Variants in PKDCC observed in about 807,000 individuals in gnomAD.
PKDCC encodes the protein extracellular tyrosine-protein kinase PKDCC.
A neutral mutation model predicts 44.7 loss-of-function variants in PKDCC; 35 were observed. The ratio of observed to expected loss-of-function variants is 0.78; its 90% CI spans 0.60 to 1.04. PKDCC has a LOEUF of 1.04. Among genes scored for constraint, PKDCC ranks in the 50% least tolerant of loss-of-function variants. The pLI, the probability that PKDCC is intolerant of heterozygous loss-of-function variation, is 0.00. For missense variants in PKDCC, 738 were observed against 672.7 expected (o/e 1.10, Z -1.07); for synonymous variants, 353 against 303.3 (o/e 1.16, Z -1.70).
intron 1 of PKDCC, 63 bp from the exon 2 acceptor site, chr2:42,053,176 C>G (rs1667997326): frequency 7.7e-7 from 1 of 1,294,698 alleles, no homozygotes; most frequent in South Asian, 1.3e-5. Flanking sequence ...ACCTGACAGT[C>G]CAGCCCTTCC....
Position 42,048,395 on chromosome 2 carries a change from G to C in PKDCC, c.196G>C (p.Glu66Gln). Reference protein sequence around the residue: ...LARQIRARYEEVQRYSRGGPG... With the variant: ...LARQIRARYEQVQRYSRGGPG... ...CCGGCAGATCCGGGCGCGCTACGAGGAGGTGCAGCGCTATTCCCGCGGGGG... is the reference window on the plus strand; with the variant it reads ...CCGGCAGATCCGGGCGCGCTACGAGCAGGTGCAGCGCTATTCCCGCGGGGG... The change falls in exon 1 of 7, where the codon GAG (glutamate) becomes CAG (glutamine). Residue 66 changes from glutamate to glutamine, a missense_variant. Physicochemically the swap from Glu to Gln is conservative, Grantham distance 29 (BLOSUM62 2). Coordinates refer to ENST00000294964, the MANE Select transcript of PKDCC (RefSeq NM_138370.3). The surrounding 1 kb of genome is among the most constrained non-coding windows in gnomAD (Gnocchi z 6.2). The C allele has an allele frequency of 8.6e-7, 1 of 1,156,418 alleles. No individual in the cohort carries two copies. The highest frequency in any genetic ancestry group is 1.1e-6 in the Non-Finnish European group (1 of 942,268). 71.6% of individuals were successfully genotyped at this position (1,156,418 alleles called of 1,614,324 possible). A position where few individuals can be genotyped will look rare whatever the true frequency, so the allele number is the denominator to read the frequency against.
Position 42,054,381 on chromosome 2 carries a change from A to T in PKDCC, c.1034+74A>T. ...GGAGGGCATGGCAGGAAGAGAGCCA[A>T]CGTGGAGGCCAGCTGGGCAGGGAGA... On this transcript the variant is annotated intron_variant, in intron 3 of 6. Transcript: ENST00000294964. This position sits in a 1 kb window ranked among gnomAD's most constrained non-coding sequence, Gnocchi z 6.1. The T allele has an allele frequency of 6.7e-7, 1 of 1,498,230 alleles. No homozygotes were observed. The highest frequency in any genetic ancestry group is 2.4e-5 in the East Asian group (1 of 40,890). The allele number at this position is 1,498,230 out of a possible 1,614,324, so 92.8% of individuals were successfully genotyped here. A position where few individuals can be genotyped will look rare whatever the true frequency, so the allele number is the denominator to read the frequency against.
At position 42,052,357 on chromosome 2, in the gene PKDCC, G is replaced by C. The variant is rs561402040; in HGVS notation, c.640-882G>C. Among the ~76,000 whole-genome samples, 12 of 152,184 alleles carry C rather than the reference G, an allele frequency of 7.9e-5. No homozygotes were observed. The highest frequency in any genetic ancestry group is 1.8e-4 in the Non-Finnish European group (12 of 68,032). ...CAGAGAAAATTGAAGCTGCCAGAAGGTAGAAATGATGAGGGATAGATACAG... is the reference window on the plus strand; with the variant it reads ...CAGAGAAAATTGAAGCTGCCAGAAGCTAGAAATGATGAGGGATAGATACAG... On this transcript the variant is annotated intron_variant, in intron 1 of 6. Transcript: ENST00000294964. This position sits in a 1 kb window ranked among gnomAD's most constrained non-coding sequence, Gnocchi z 4.3.
chr2:42,054,017 CTT>C lies in PKDCC; in HGVS notation c.763-16_763-15del, dbSNP rs1558432274. 1.2e-6 allele frequency: 2 copies of C among 1,603,940 alleles called. No individual in the cohort carries two copies. Among genetic ancestry groups the C allele is most frequent in the Middle Eastern group, 2.3e-4 (1 of 4,414 alleles). ...ACCCAGGAGAAAAGCAGTGAGCAGTCTTTTCTTGTGCCCCTCAGATCTGCCTG... is the reference window on the plus strand; with the variant it reads ...ACCCAGGAGAAAAGCAGTGAGCAGTCTTCTTGTGCCCCTCAGATCTGCCTG... On this transcript the variant is annotated splice_polypyrimidine_tract_variant and intron_variant, in intron 2 of 6. Transcript: ENST00000294964. This position sits in a 1 kb window ranked among gnomAD's most constrained non-coding sequence, Gnocchi z 6.1.
chr2:42,053,077 G>C (rs1667995011), intron 1 of PKDCC, among the ~76,000 whole-genome samples, 162 bp from the exon 2 acceptor site: 1 of 152,194 alleles, frequency 6.6e-6, no homozygotes, highest in African/African-American at 2.4e-5. Context: ...GCAGGGAAGA[G>C]AGGGCATGCT....
Position 42,048,746 on chromosome 2 carries a change from G to C in PKDCC, c.547G>C (p.Gly183Arg). Residue 183 changes from glycine to arginine, a missense_variant, in exon 1 of 7, where the codon GGG (glycine) becomes CGG (arginine). Gly to Arg is a moderately radical substitution (Grantham distance 125). Transcript: ENST00000294964. This position sits in a 1 kb window ranked among gnomAD's most constrained non-coding sequence, Gnocchi z 6.2. Reference protein sequence around the residue: ...HDLGSCVREFGVRRGCYRLAA... With the variant: ...HDLGSCVREFRVRRGCYRLAA... The stretch of plus-strand genomic sequence containing the variant: ...TCTGGGCAGCTGCGTGCGCGAGTTC[G>C]GGGTACGGAGGGGCTGCTATCGGCT... The C allele has an allele frequency of 6.3e-7, 1 of 1,578,118 alleles. No homozygotes were observed. Among genetic ancestry groups the C allele is most frequent in the Non-Finnish European group, 8.6e-7 (1 of 1,161,882 alleles).
rs1572758531 is a variant in PKDCC at position 42,048,153 on chromosome 2, G to C, written c.-47G>C. On this transcript the variant is annotated 5_prime_UTR_variant, in exon 1 of 7. Coordinates refer to ENST00000294964, the MANE Select transcript of PKDCC (RefSeq NM_138370.3). The surrounding 1 kb of genome is among the most constrained non-coding windows in gnomAD (Gnocchi z 6.2). ...CTCGGAGCCTGAGCCGCCCGGGGCC[G>C]GGGCCGGGGAGCCGCGCGGGGCCGG... 10 of 1,004,924 alleles carry C rather than the reference G, an allele frequency of 1.0e-5. No homozygotes were observed. Among genetic ancestry groups the C allele is most frequent in the Non-Finnish European group, 1.2e-5 (10 of 845,056 alleles). 62.3% of individuals were successfully genotyped at this position (1,004,924 alleles called of 1,614,324 possible). A position where few individuals can be genotyped will look rare whatever the true frequency, so the allele number is the denominator to read the frequency against.
chr2:42,055,420 G>A lies in PKDCC; in HGVS notation c.1222+27G>A. 6.2e-7 allele frequency: 1 copy of A among 1,602,964 alleles called. No individual in the cohort carries two copies. The highest frequency in any genetic ancestry group is 8.5e-7 in the Non-Finnish European group (1 of 1,172,982). On this transcript the variant is annotated intron_variant, in intron 5 of 6. Transcript: ENST00000294964. The surrounding 1 kb of genome is among the most constrained non-coding windows in gnomAD (Gnocchi z 4.5). The stretch of plus-strand genomic sequence containing the variant: ...TGAGTGGCCCCAAGCTGATCCACAG[G>A]GAAGCAAGAAACAGGTGGGAGGGTG...
At position 42,048,116 on chromosome 2, in the gene PKDCC, G is replaced by A. The variant is rs1048653846; in HGVS notation, c.-84G>A. 4 of 831,998 alleles carry A rather than the reference G, an allele frequency of 4.8e-6. No individual in the cohort carries two copies. In the African/African-American group the frequency reaches 5.7e-5, roughly 12 times the overall value. 51.5% of individuals were successfully genotyped at this position (831,998 alleles called of 1,614,324 possible). On this transcript the variant is annotated 5_prime_UTR_variant, in exon 1 of 7. Coordinates refer to ENST00000294964, the MANE Select transcript of PKDCC (RefSeq NM_138370.3). The surrounding 1 kb of genome is among the most constrained non-coding windows in gnomAD (Gnocchi z 6.2). ...CTGGGCAGGGGGCCGGCGGGGCGCA[G>A]AGCGGAGCCGCCTCGGAGCCTGAGC...
rs1020244796 is a variant in PKDCC, at chr2:42,052,482, C to T, written c.640-757C>T. On this transcript the variant is annotated intron_variant, in intron 1 of 6. Transcript: ENST00000294964. The surrounding 1 kb of genome is among the most constrained non-coding windows in gnomAD (Gnocchi z 4.3). ...AACAGATTGTGGCCGGGCGCAGTGG[C>T]TCACGCCTGTAATCCCAACATTTTG... Among the ~76,000 whole-genome samples the T allele has an allele frequency of 6.6e-6, 1 of 152,202 alleles. No individual in the cohort carries two copies. Among genetic ancestry groups the T allele is most frequent in the Non-Finnish European group, 1.5e-5 (1 of 68,036 alleles).
chr2:42,057,643 G>A lies in PKDCC; in HGVS notation c.1437G>A (p.Val479=), dbSNP rs757636607. The change falls in exon 7 of 7, where the codon GTG becomes GTA. Residue 479 remains valine (V), a synonymous_variant. Transcript: ENST00000294964. ...LVFFKTGWSQ[V]VPDPNKTTYV... Reference sequence around the variant, plus strand: ...TTTTCAAGACTGGATGGAGCCAAGTGGTCCCTGATCCCAACAAGACCACAT... The same window carrying A: ...TTTTCAAGACTGGATGGAGCCAAGTAGTCCCTGATCCCAACAAGACCACAT... 5 of 1,613,874 alleles carry A rather than the reference G, an allele frequency of 3.1e-6. No homozygotes were observed. In the African/African-American group the frequency reaches 4.0e-5, roughly 13 times the overall value.
chr2:42,050,703 G>C (rs947266925), intron 1 of PKDCC, among the ~76,000 whole-genome samples: 6 of 152,174 alleles, frequency 3.9e-5, no homozygotes, highest in African/African-American at 1.4e-4. Flanking sequence ...TCCCAGACGA[G>C]AGTTAGTGGC....
chr2:42,053,931 A>T, intron 2 of PKDCC, 105 bp from the exon 3 acceptor site: 1 of 1,434,398 alleles, frequency 7.0e-7, no homozygotes, highest in Non-Finnish European at 9.4e-7. Context: ...AGAAGTGCCA[A>T]CCCCCACAAG....
At position 42,048,519 on chromosome 2, in the gene PKDCC, C is replaced by G. The variant is rs1033026523; in HGVS notation, c.320C>G (p.Pro107Arg). ...LPRPRPPWARPLSDGAPGWPP... is the reference protein window; with the variant it reads ...LPRPRPPWARRLSDGAPGWPP... ...CGCCCCCGGCCCCCTTGGGCCCGGC[C>G]CCTGTCCGACGGCGCCCCAGGCTGG... The change falls in exon 1 of 7, where the codon CCC becomes CGC. Residue 107 changes from proline (P) to arginine (R), a missense_variant. By Grantham distance (103) the Pro-to-Arg change is moderately radical (BLOSUM62 -2). Coordinates refer to ENST00000294964, the MANE Select transcript of PKDCC (RefSeq NM_138370.3). This position sits in a 1 kb window ranked among gnomAD's most constrained non-coding sequence, Gnocchi z 6.2. The G allele has an allele frequency of 6.1e-5, 72 of 1,187,292 alleles. No individual in the cohort carries two copies. Among genetic ancestry groups the G allele is most frequent in the African/African-American group, 5.5e-4 (34 of 61,804 alleles). The allele number at this position is 1,187,292 out of a possible 1,614,324, so 73.5% of individuals were successfully genotyped here.
Position 42,053,173 on chromosome 2 carries a change from A to G in PKDCC, c.640-66A>G, listed in dbSNP as rs1429883888. On this transcript the variant is annotated intron_variant, in intron 1 of 6. Coordinates refer to ENST00000294964, the MANE Select transcript of PKDCC (RefSeq NM_138370.3). ...GGAGGAGAGAGAGGGGGAACCTGACAGTCCAGCCCTTCCCTGTCCCCACCC... is the reference window on the plus strand; with the variant it reads ...GGAGGAGAGAGAGGGGGAACCTGACGGTCCAGCCCTTCCCTGTCCCCACCC... The G allele has an allele frequency of 3.1e-6, 4 of 1,287,658 alleles. No individual in the cohort carries two copies. In the African/African-American group the frequency reaches 6.1e-5, roughly 19 times the overall value. The allele number at this position is 1,287,658 out of a possible 1,614,324, so 79.8% of individuals were successfully genotyped here. A position where few individuals can be genotyped will look rare whatever the true frequency, so the allele number is the denominator to read the frequency against.
Position 42,048,689 on chromosome 2 carries a change from G to T in PKDCC, c.490G>T (p.Ala164Ser). Residue 164 changes from alanine (A) to serine (S), a missense_variant, in exon 1 of 7, where the codon GCG becomes TCG. Transcript: ENST00000294964. This position sits in a 1 kb window ranked among gnomAD's most constrained non-coding sequence, Gnocchi z 6.2. ...CCGCCTGCCCGGCGGTGCCGCGGTG[G>T]CGCTCAAGGCGGTGGACTTTAGCGG... ...RVRLPGGAAVALKAVDFSGHD... is the reference protein window; with the variant it reads ...RVRLPGGAAVSLKAVDFSGHD... The T allele has an allele frequency of 6.5e-7, 1 of 1,549,900 alleles. No individual in the cohort carries two copies. The highest frequency in any genetic ancestry group is 1.4e-5 in the African/African-American group (1 of 73,266).
Position 42,049,063 on chromosome 2 carries a change from A to G in PKDCC, c.639+225A>G, listed in dbSNP as rs954108935. Among the ~76,000 whole-genome samples the G allele has an allele frequency of 3.9e-5, 6 of 151,986 alleles. No individual in the cohort carries two copies. In the East Asian group the frequency reaches 1.2e-3, roughly 29 times the overall value. Reference sequence around the variant, plus strand: ...CTCCTGGGTTTCTCGGCTTCCACACATCTCTTAAAGACAGGCCAGGACAGA... The same window carrying G: ...CTCCTGGGTTTCTCGGCTTCCACACGTCTCTTAAAGACAGGCCAGGACAGA... On this transcript the variant is annotated intron_variant, in intron 1 of 6. Transcript: ENST00000294964.
At chr2:42,050,687 G>A (rs890391107) in intron 1 of PKDCC, among the ~76,000 whole-genome samples, 7 of 152,166 alleles carry the variant, frequency 4.6e-5, no homozygotes, top group Non-Finnish European at 8.8e-5. Context: ...ACTCTTTATT[G>A]TAGAGTCCCA....
chr2:42,051,476 C>G lies in PKDCC; in HGVS notation c.640-1763C>G, dbSNP rs905631475. On this transcript the variant is annotated intron_variant, in intron 1 of 6. Coordinates refer to ENST00000294964, the MANE Select transcript of PKDCC (RefSeq NM_138370.3). The surrounding 1 kb of genome is among the most constrained non-coding windows in gnomAD (Gnocchi z 4.2). ...GATGTGACTGAAATGCTCAGCCTCACGCTTCCTGGGGGGGGTTAATGGTGT... is the reference window on the plus strand; with the variant it reads ...GATGTGACTGAAATGCTCAGCCTCAGGCTTCCTGGGGGGGGTTAATGGTGT... 8.9e-6 allele frequency among the ~76,000 whole-genome samples: 1 copy of G among 112,310 alleles called. No individual in the cohort carries two copies. Among genetic ancestry groups the G allele is most frequent in the African/African-American group, 5.0e-5 (1 of 19,922 alleles). 73.7% of individuals were successfully genotyped at this position (112,310 alleles called of 152,430 possible).
Sources: allele counts gnomAD v4.1 joint callset (sites outside exome capture counted in the v4.1 genomes callset), GRCh38; gene constraint gnomAD v4.1.1; non-coding constraint Gnocchi (gnomAD v3.1); transcripts MANE v1.5; gene names NCBI Gene and HGNC (gene_info 2026-07-23, HGNC 2026-07-21).